TTC7B: variants seen among roughly 807,000 people sequenced by gnomAD.
The protein encoded by TTC7B is tetratricopeptide repeat protein 7B.
Under a neutral mutation model 106.8 loss-of-function variants are expected in TTC7B, and 28 were observed. That is an observed-to-expected ratio of 0.26 (90% CI 0.19 to 0.36). TTC7B has a LOEUF of 0.36. Ranked by LOEUF, TTC7B falls within the 10% of genes least tolerant of loss-of-function variation. The probability of loss-of-function intolerance (pLI) is 1.00; values close to 1 mark genes in which losing one functional copy is unlikely to be tolerated. For missense variants in TTC7B, 862 were observed against 1,076.4 expected, an observed-to-expected ratio of 0.80 and a Z score of 2.79; for synonymous variants, 405 against 430.6, an observed-to-expected ratio of 0.94 and a Z score of 0.74.
At position 90,624,543 on chromosome 14, in the gene TTC7B, C is replaced by G. The variant is rs1488523661; in HGVS notation, c.1752-6498G>C. Among the ~76,000 whole-genome samples the G allele has an allele frequency of 6.6e-6, 1 of 152,174 alleles. No individual in the cohort carries two copies. Among genetic ancestry groups the G allele is most frequent in the Non-Finnish European group, 1.5e-5 (1 of 68,032 alleles). The stretch of plus-strand genomic sequence containing the variant: ...AGTTTAGTTTTAGCCTTGGCCCCAC[C>G]CCAGTGAGTCCCAGACTTGGGCAGG... On this transcript the variant is annotated intron_variant, in intron 15 of 19. Transcript: ENST00000328459. The surrounding 1 kb of genome is among the most constrained non-coding windows in gnomAD (Gnocchi z 4.0).
chr14:90,778,541 G>A (rs562255509), intron 3 of TTC7B, among the ~76,000 whole-genome samples: 2 of 152,334 alleles, frequency 1.3e-5, no homozygotes, highest in Non-Finnish European at 2.9e-5. Context: ...TTGGGCAGGT[G>A]GAAATTGCCA....
intron 19 of TTC7B, among the ~76,000 whole-genome samples, chr14:90,566,307 G>A (rs1483998971): frequency 1.3e-5 from 2 of 151,360 alleles, no homozygotes; most frequent in Admixed American, 6.6e-5. Context: ...TCGCACCACT[G>A]TACTCCAGCA....
intron 16 of TTC7B, among the ~76,000 whole-genome samples, 167 bp from the exon 17 acceptor site, chr14:90,611,006 G>C (rs1256235188): frequency 1.3e-5 from 2 of 152,138 alleles, no homozygotes; most frequent in East Asian, 1.9e-4. Context: ...GGCTTGGCCT[G>C]GGCTGCGATT....
At chr14:90,777,479 C>T (rs1357970259) in intron 3 of TTC7B, among the ~76,000 whole-genome samples, 1 of 152,070 alleles carries the variant, frequency 6.6e-6, no homozygotes, top group African/African-American at 2.4e-5. Context: ...CTTCCGATTC[C>T]CAATCAGCAA....
At chr14:90,737,836 C>T (rs950163982) in intron 4 of TTC7B, among the ~76,000 whole-genome samples, 5 of 152,122 alleles carry the variant, frequency 3.3e-5, no homozygotes, top group African/African-American at 9.7e-5. Context: ...GGATTATAGG[C>T]GTGAGCCACT....
chr14:90,683,213 G>A (rs1887122950), intron 7 of TTC7B, among the ~76,000 whole-genome samples: 1 of 152,150 alleles, frequency 6.6e-6, no homozygotes, highest in African/African-American at 2.4e-5. Context: ...GGTGCAGGGA[G>A]GGCCTTGAAC....
intron 13 of TTC7B, among the ~76,000 whole-genome samples, chr14:90,649,340 G>C (rs1885614509): frequency 6.6e-6 from 1 of 152,212 alleles, no homozygotes; most frequent in South Asian, 2.1e-4. Context: ...TCCCTGTGTT[G>C]ATCTCAAGTA....
At chr14:90,749,897 C>A (rs1332372697) in intron 3 of TTC7B, among the ~76,000 whole-genome samples, 1 of 152,194 alleles carries the variant, frequency 6.6e-6, no homozygotes, top group Non-Finnish European at 1.5e-5. Context: ...CTTTACTAAA[C>A]TTTCTGAAAT....
intron 1 of TTC7B, among the ~76,000 whole-genome samples, chr14:90,814,249 G>C (rs2031057768): frequency 6.6e-6 from 1 of 152,188 alleles, no homozygotes. Flanking sequence ...GGCCATGAAG[G>C]TGAATAGGAA....
intron 8 of TTC7B, among the ~76,000 whole-genome samples, chr14:90,676,906 C>T (rs1183994813): frequency 3.3e-5 from 5 of 152,142 alleles, no homozygotes; most frequent in Non-Finnish European, 7.3e-5. Context: ...CTGTACCTGT[C>T]GACAGGCATC....
chr14:90,610,651 CA>C, intron 17 of TTC7B, 90 bp downstream of exon 17: 1 of 941,990 alleles, frequency 1.1e-6, no homozygotes, highest in Non-Finnish European at 1.7e-6. Context: ...TTTCCAACCC[CA>C]ACCCGATCAG....
At chr14:90,666,680 T>C (rs761883885) in intron 9 of TTC7B, among the ~76,000 whole-genome samples, 3 of 152,216 alleles carry the variant, frequency 2.0e-5, no homozygotes, top group Admixed American at 6.5e-5. Context: ...AATGTATCCA[T>C]GCCCCACCTC....
chr14:90,615,371 A>G (rs1445501855), intron 16 of TTC7B, among the ~76,000 whole-genome samples: 1 of 152,212 alleles, frequency 6.6e-6, no homozygotes, highest in Admixed American at 6.5e-5. Flanking sequence ...ACTGGCAGAT[A>G]GAGCAGGGGG....
chr14:90,690,380 C>T (rs148790234), intron 6 of TTC7B, among the ~76,000 whole-genome samples: 1 of 152,294 alleles, frequency 6.6e-6, no homozygotes, highest in African/African-American at 2.4e-5. Context: ...CCCTTCTTCA[C>T]AGTGAAAACC....
In TTC7B at chr14:90,539,044, G is replaced by C. The variant is rs1889488994; in HGVS notation, c.*2324C>G. The C allele has an allele frequency of 6.6e-6, 1 of 152,196 alleles. No homozygotes were observed. Among genetic ancestry groups the C allele is most frequent in the South Asian group, 2.1e-4 (1 of 4,828 alleles). The allele number at this position is 152,196 out of a possible 1,614,324, so 9.4% of individuals were successfully genotyped here. A position where few individuals can be genotyped will look rare whatever the true frequency, so the allele number is the denominator to read the frequency against. The stretch of plus-strand genomic sequence containing the variant: ...TGTTTTCATAACAAAAGTCCCAGGG[G>C]TGCTTCTCATTGGCCAAGCATGGGT... On this transcript the variant is annotated 3_prime_UTR_variant, in exon 20 of 20. Transcript: ENST00000328459.
intron 17 of TTC7B, among the ~76,000 whole-genome samples, chr14:90,599,710 C>T (rs1354945114): frequency 6.6e-6 from 1 of 152,252 alleles, no homozygotes; most frequent in Non-Finnish European, 1.5e-5. Context: ...TGAGCCACTG[C>T]AGTCGTGGGC....
intron 17 of TTC7B, among the ~76,000 whole-genome samples, chr14:90,603,727 T>G (rs1411579828): frequency 2.0e-5 from 3 of 152,226 alleles, no homozygotes; most frequent in African/African-American, 7.2e-5. Context: ...GAGAAATTCA[T>G]ACAACTTCAG....
intron 12 of TTC7B, among the ~76,000 whole-genome samples, chr14:90,654,686 C>T (rs960928459): frequency 6.6e-6 from 1 of 152,192 alleles, no homozygotes; most frequent in African/African-American, 2.4e-5. Context: ...GGGACAGGGG[C>T]AGGTGCAAGG....
intron 18 of TTC7B, among the ~76,000 whole-genome samples, chr14:90,587,525 C>A (rs561397554): frequency 2.0e-5 from 3 of 152,192 alleles, no homozygotes; most frequent in Non-Finnish European, 4.4e-5. Flanking sequence ...CTAGTCACTG[C>A]TGAGGTCACT....
Sources: gnomAD v4.1 joint callset for allele counts (sites outside exome capture counted in the v4.1 genomes callset) on GRCh38, gnomAD v4.1.1 for gene constraint, Gnocchi (gnomAD v3.1) non-coding constraint, MANE v1.5 for transcripts, NCBI Gene and HGNC (gene_info 2026-07-23, HGNC 2026-07-21) for gene names.